Variants in EDA observed in about 807,000 individuals in gnomAD.
The protein encoded by EDA is ectodysplasin-A.
A neutral mutation model predicts 23.6 loss-of-function variants in EDA; 2 were observed. The ratio of observed to expected loss-of-function variants is 0.08; its 90% CI spans 0.03 to 0.27. EDA has a LOEUF of 0.27. Among genes scored for constraint, EDA ranks in the 10% least tolerant of loss-of-function variants. EDA has a pLI of 1.00. For missense variants in EDA, 229 were observed against 324.2 expected (o/e 0.71, Z 2.26); for synonymous variants, 131 against 132.0 (o/e 0.99, Z 0.05).
chrX:69,855,747 A>G (rs1304062483), intron 1 of EDA, among the ~76,000 whole-genome samples: 2 of 111,450 alleles, frequency 1.8e-5, no homozygotes, highest in East Asian at 2.8e-4. Flanking sequence ...GTCAGATAGC[A>G]TGTTACCTGC....
chrX:69,616,132 G>A lies in EDA; in HGVS notation c.-177G>A, dbSNP rs765636923. 3 of 466,643 alleles carry A rather than the reference G, an allele frequency of 6.4e-6. No homozygotes were observed. Among genetic ancestry groups the A allele is most frequent in the Non-Finnish European group, 1.1e-5 (3 of 278,643 alleles). 38.5% of individuals were successfully genotyped at this position (466,643 alleles called of 1,213,427 possible). ...CCTCCTCCCTTTCCCACCCCTCGGA[G>A]TAGAGCTGCACATGCGGCTGCTCCC... On this transcript the variant is annotated 5_prime_UTR_variant, in exon 1 of 8. Transcript: ENST00000374552.
intron 1 of EDA, among the ~76,000 whole-genome samples, chrX:69,786,577 C>A (rs1469598368): frequency 1.8e-5 from 2 of 110,377 alleles, no homozygotes; most frequent in Non-Finnish European, 1.9e-5. Flanking sequence ...GCAGGTTGTT[C>A]AGTTTCCATG....
At chrX:69,771,430 A>C (rs1030478387) in intron 1 of EDA, among the ~76,000 whole-genome samples, 2 of 111,523 alleles carry the variant, frequency 1.8e-5, no homozygotes, top group African/African-American at 6.5e-5. Context: ...AACTAGATGC[A>C]AAAGGCTACA....
intron 1 of EDA, among the ~76,000 whole-genome samples, chrX:69,644,540 T>C (rs1343516922): frequency 9.0e-6 from 1 of 111,475 alleles, no homozygotes; most frequent in Non-Finnish European, 1.9e-5. Context: ...TTTCTAGATA[T>C]AGGATCATGT....
intron 1 of EDA, chrX:69,670,183 G>GTTTTTTTTTTTTTT (rs544601085): frequency 2.1e-5 from 5 of 236,427 alleles, no homozygotes; most frequent in African/African-American, 4.3e-5. Flanking sequence ...TTGGCTGACT[G>GTTTTTTTTTTTTTT]TTTTTTTTTT....
chrX:69,987,253 AC>A (rs2019508199), intron 2 of EDA, among the ~76,000 whole-genome samples: 1 of 100,393 alleles, frequency 1.0e-5, no homozygotes, highest in Non-Finnish European at 2.0e-5. Flanking sequence ...GTGCACATGT[AC>A]CCTAAAACTT....
At chrX:69,847,250 G>A (rs1480175643) in intron 1 of EDA, among the ~76,000 whole-genome samples, 2 of 111,553 alleles carry the variant, frequency 1.8e-5, no homozygotes, top group African/African-American at 6.5e-5. Context: ...TCAGACATAT[G>A]GACAAGTGTG....
intron 1 of EDA, among the ~76,000 whole-genome samples, chrX:69,670,962 T>C (rs1933873273): frequency 8.9e-6 from 1 of 111,871 alleles, no homozygotes; most frequent in Non-Finnish European, 1.9e-5. Context: ...ATTCCTCTGG[T>C]AGTATCATGC....
At chrX:69,992,941 C>T (rs2019608682) in intron 2 of EDA, among the ~76,000 whole-genome samples, 1 of 110,985 alleles carries the variant, frequency 9.0e-6, no homozygotes, top group South Asian at 3.8e-4. Context: ...TGTTTTTTCT[C>T]CAATTTAGGC....
At chrX:69,828,909 C>G (rs985303988) in intron 1 of EDA, among the ~76,000 whole-genome samples, 12 of 112,123 alleles carry the variant, frequency 1.1e-4, no homozygotes, top group African/African-American at 3.9e-4. Context: ...CTAAAATGTT[C>G]TTCTCCTAGA....
chrX:69,748,186 G>A lies in EDA; in HGVS notation c.396+131482G>A, dbSNP rs1489372611. Among the ~76,000 whole-genome samples, 5 of 111,031 alleles carry A rather than the reference G, an allele frequency of 4.5e-5. No individual in the cohort carries two copies. In the East Asian group the frequency reaches 1.4e-3, roughly 32 times the overall value. ...GGAAAACTTGGAGTTCCAAGATTTG[G>A]TGGAGGAGGGTGGGTTGAGGTTCTT... On this transcript the variant is annotated intron_variant, in intron 1 of 7. Transcript: ENST00000374552.
At chrX:69,787,039 T>C (rs1433973802) in intron 1 of EDA, among the ~76,000 whole-genome samples, 2 of 102,776 alleles carry the variant, frequency 1.9e-5, no homozygotes, top group Non-Finnish European at 2.0e-5. Context: ...CCTTGACCAT[T>C]ATGTAATGGC....
At chrX:69,675,463 A>G (rs1284752584) in intron 1 of EDA, among the ~76,000 whole-genome samples, 1 of 111,626 alleles carries the variant, frequency 9.0e-6, no homozygotes, top group South Asian at 3.8e-4. Flanking sequence ...CATTTCTGAT[A>G]ATGCTGTTGC....
At chrX:69,907,158 A>C (rs950605127) in intron 1 of EDA, among the ~76,000 whole-genome samples, 17 of 112,058 alleles carry the variant, frequency 1.5e-4, no homozygotes, top group Admixed American at 8.6e-4. Flanking sequence ...TTCAGAAATT[A>C]GGGAAATGAA....
Position 69,957,254 on chromosome X carries a change from G to A in EDA, c.502+122G>A, listed in dbSNP as rs760167081. On this transcript the variant is annotated intron_variant, in intron 2 of 7. Coordinates refer to ENST00000374552, the MANE Select transcript of EDA (RefSeq NM_001399.5). The stretch of plus-strand genomic sequence containing the variant: ...CGCCTGTAATCCTAGCACTTTGGGA[G>A]GCCCACGCGGGCAGATCACTTGAGG... The A allele has an allele frequency of 1.1e-4, 69 of 623,591 alleles. 1 individual carries two copies. The highest frequency in any genetic ancestry group is 1.5e-4 in the Non-Finnish European group (58 of 385,754). The allele number at this position is 623,591 out of a possible 1,213,427, so 51.4% of individuals were successfully genotyped here. A position where few individuals can be genotyped will look rare whatever the true frequency, so the allele number is the denominator to read the frequency against.
chrX:69,828,691 C>T (rs186705874), intron 1 of EDA, among the ~76,000 whole-genome samples: 1,868 of 112,250 alleles, frequency 0.017, 13 homozygotes, highest in Middle Eastern at 0.05. Context: ...AGCTGTAGAC[C>T]GGAGCTGTTC....
intron 1 of EDA, among the ~76,000 whole-genome samples, chrX:69,936,881 C>G (rs1199539475): frequency 1.8e-5 from 2 of 112,010 alleles, no homozygotes; most frequent in East Asian, 5.6e-4. Flanking sequence ...CTGTCACACA[C>G]GCTTGCTAAC....
chrX:69,992,104 A>AT (rs760566255), intron 2 of EDA, among the ~76,000 whole-genome samples: 1 of 111,057 alleles, frequency 9.0e-6, no homozygotes, highest in Admixed American at 9.5e-5. Context: ...GCAGGCTTTT[A>AT]TTTTTTTCAT....
chrX:69,713,177 C>T (rs1384917214), intron 1 of EDA, among the ~76,000 whole-genome samples: 1 of 111,783 alleles, frequency 8.9e-6, no homozygotes, highest in Non-Finnish European at 1.9e-5. Context: ...CAAACCTGCA[C>T]GTTGTGCACA....
Sources: allele counts gnomAD v4.1 joint callset (sites outside exome capture counted in the v4.1 genomes callset), GRCh38; gene constraint gnomAD v4.1.1; transcripts MANE v1.5; gene names NCBI Gene and HGNC (gene_info 2026-07-23, HGNC 2026-07-21).